Variants in RBP5 observed in about 807,000 individuals in gnomAD.
RBP5 encodes the protein retinol binding protein 5.
In RBP5, 12 loss-of-function variants were observed where a neutral mutation model predicts 17.8. The ratio of observed to expected loss-of-function variants is 0.67; its 90% confidence interval spans 0.43 to 1.09. RBP5 has a LOEUF of 1.09. Ranked by LOEUF, RBP5 falls within the 50% of genes least tolerant of loss-of-function variation. The pLI is 0.00. For synonymous variants in RBP5, 64 were observed against 68.1 expected, an observed-to-expected ratio of 0.94 and a Z score of 0.30; for missense variants, 172 against 169.4, an observed-to-expected ratio of 1.02 and a Z score of -0.09.
chr12:7,126,334 C>T (rs992147967), intron 2 of RBP5, among the ~76,000 whole-genome samples: 7 of 152,174 alleles, frequency 4.6e-5, no homozygotes, highest in South Asian at 2.1e-4. Flanking sequence ...TAAACATTTC[C>T]GAAATGCTTC....
chr12:7,126,513 GTGTGTGTGTGTGTGTGTGTGTGTGTGT>G (rs1939165740), intron 2 of RBP5, among the ~76,000 whole-genome samples: 2 of 121,444 alleles, frequency 1.6e-5, no homozygotes, highest in Non-Finnish European at 1.8e-5. Flanking sequence ...TGGTGGTGGT[GTGTGTGTGTGTGTGTGTGTGTGTGTGT>G]GTGTGTGTGT....
chr12:7,120,541 T>C (rs1350679300), downstream of RBP5: 1 of 155,784 alleles, frequency 6.4e-6, no homozygotes, highest in East Asian at 1.9e-4. Flanking sequence ...TCCTCACCTC[T>C]TGCCCTTCAC....
downstream of RBP5, among the ~76,000 whole-genome samples, chr12:7,122,693 C>T (rs990013666): frequency 2.0e-5 from 3 of 151,854 alleles, no homozygotes; most frequent in South Asian, 2.1e-4. Context: ...GGGCAATGGG[C>T]GAGTACACAC....
intron 3 of RBP5, chr12:7,118,235 T>C (rs1939030451): frequency 6.6e-6 from 1 of 152,084 alleles, no homozygotes; most frequent in African/African-American, 2.4e-5. Flanking sequence ...TAAGCTTTAG[T>C]TTCATTAAGG....
chr12:7,128,228 G>T lies in RBP5; in HGVS notation c.252+12C>A. The T allele has an allele frequency of 6.2e-7, 1 of 1,601,694 alleles. No individual in the cohort carries two copies. Among genetic ancestry groups the T allele is most frequent in the East Asian group, 2.2e-5 (1 of 44,668 alleles). On this transcript the variant is annotated intron_variant, in intron 2 of 3. Coordinates refer to ENST00000266560, the MANE Select transcript of RBP5 (RefSeq NM_031491.4). This position sits in a 1 kb window ranked among gnomAD's most constrained non-coding sequence, Gnocchi z 5.3. ...CCTCCTTCCGGCCACCGCCCAGCCA[G>T]GGGAAATGTACCTGGCATTTTCGTC...
In RBP5 at chr12:7,124,325, C is replaced by G. The variant is rs1298598501; in HGVS notation, c.355-151G>C. On this transcript the variant is annotated intron_variant, in intron 3 of 3. Transcript: ENST00000266560. This position sits in a 1 kb window ranked among gnomAD's most constrained non-coding sequence, Gnocchi z 5.3. ...GGCAATTGTATCATTATTCCACATCCTCAACTTTCCACCCCTCAGGAAGGA... is the reference window on the plus strand; with the variant it reads ...GGCAATTGTATCATTATTCCACATCGTCAACTTTCCACCCCTCAGGAAGGA... 1 of 726,288 alleles carries G rather than the reference C, an allele frequency of 1.4e-6. No homozygotes were observed. The highest frequency in any genetic ancestry group is 1.7e-5 in the African/African-American group (1 of 57,400). 45.0% of individuals were successfully genotyped at this position (726,288 alleles called of 1,614,324 possible). A position where few individuals can be genotyped will look rare whatever the true frequency, so the allele number is the denominator to read the frequency against.
chr12:7,125,363 G>A (rs1167704066), intron 2 of RBP5, among the ~76,000 whole-genome samples: 2 of 152,150 alleles, frequency 1.3e-5, no homozygotes, highest in Non-Finnish European at 2.9e-5. Context: ...CTGACCTAGA[G>A]GGACTTTTGA....
chr12:7,116,277 T>C (rs1939003543), exon 4 of RBP5: 1 of 152,222 alleles, frequency 6.6e-6, no homozygotes, highest in African/African-American at 2.4e-5. Context: ...AAACTGACCA[T>C]CCAGGTTTGG....
chr12:7,120,248 A>AC (rs1415396848), downstream of RBP5, among the ~76,000 whole-genome samples: 2 of 151,838 alleles, frequency 1.3e-5, no homozygotes, highest in Non-Finnish European at 2.9e-5. Context: ...TACGTTTTAT[A>AC]CCCCCGGTAC....
chr12:7,128,901 G>A (rs1939227593), upstream of RBP5: 2 of 779,972 alleles, frequency 2.6e-6, no homozygotes, highest in Non-Finnish European at 4.5e-6. This position sits in a 1 kb window ranked among gnomAD's most constrained non-coding sequence, Gnocchi z 5.3. Flanking sequence ...TAATGGCCGG[G>A]TTACCAGGGC....
At chr12:7,116,015 C>T (rs1939000535) in exon 4 of RBP5, 1 of 152,216 alleles carries the variant, frequency 6.6e-6, no homozygotes, top group Non-Finnish European at 1.5e-5. Context: ...GCCCCTCCTC[C>T]AACACGTGGG....
At chr12:7,127,422 G>C (rs1403825184) in intron 2 of RBP5, 1 of 440,186 alleles carries the variant, frequency 2.3e-6, no homozygotes. Context: ...GAGCCACCAC[G>C]CCCAGCCTTT....
At chr12:7,116,527 G>A (rs1339255831) in exon 4 of RBP5, 3 of 152,284 alleles carry the variant, frequency 2.0e-5, no homozygotes, top group Admixed American at 6.5e-5. Flanking sequence ...ACACAACTTT[G>A]AAACGAGCAG....
rs748540878 is a variant in RBP5 at position 7,128,243 on chromosome 12, G to T, written c.249C>A (p.Cys83Ter). ...EDLRSVDGRK[C>*]QTIVTWEEEH... ...CGCCCAGCCAGGGGAAATGTACCTG[G>T]CATTTTCGTCCGTCCACGCTCCTGA... Residue 83 changes from cysteine to a stop codon, truncating the protein, a stop_gained, in exon 2 of 4, where the codon TGC (cysteine) becomes TGA (stop). Transcript: ENST00000266560. LOFTEE classifies it high-confidence loss of function. This position sits in a 1 kb window ranked among gnomAD's most constrained non-coding sequence, Gnocchi z 5.3. The T allele has an allele frequency of 1.2e-6, 2 of 1,608,854 alleles. No individual in the cohort carries two copies. Among genetic ancestry groups the T allele is most frequent in the Non-Finnish European group, 1.7e-6 (2 of 1,176,324 alleles).
chr12:7,120,944 C>T (rs1939072606), downstream of RBP5: 1 of 151,720 alleles, frequency 6.6e-6, no homozygotes, highest in Non-Finnish European at 1.5e-5. Context: ...ACAAGAATCA[C>T]TTGAACCTGG....
At chr12:7,121,450 A>T (rs1309794127), downstream of RBP5, among the ~76,000 whole-genome samples, 1 of 152,046 alleles carries the variant, frequency 6.6e-6, no homozygotes, top group Non-Finnish European at 1.5e-5. Flanking sequence ...GCTCCTTTTC[A>T]ACATATAGGC....
At chr12:7,129,339 A>G, upstream of RBP5, 1 of 176,890 alleles carries the variant, frequency 5.7e-6, no homozygotes, top group Non-Finnish European at 1.2e-5. This position sits in a 1 kb window ranked among gnomAD's most constrained non-coding sequence, Gnocchi z 5.5. Flanking sequence ...GCCAGCTGCC[A>G]CCATGAAGAG....
chr12:7,120,322 G>T (rs1211605816), downstream of RBP5, among the ~76,000 whole-genome samples: 2 of 152,140 alleles, frequency 1.3e-5, no homozygotes, highest in Non-Finnish European at 2.9e-5. Flanking sequence ...GAGCAATGCC[G>T]TCCTGTTGGC....
chr12:7,127,738 G>A, intron 2 of RBP5: 1 of 702,258 alleles, frequency 1.4e-6, no homozygotes. Flanking sequence ...GAAGGCATGG[G>A]TGTAGATGAT....
Sources: gnomAD v4.1 joint callset for allele counts (sites outside exome capture counted in the v4.1 genomes callset) on GRCh38, gnomAD v4.1.1 for gene constraint, Gnocchi (gnomAD v3.1) non-coding constraint, MANE v1.5 for transcripts, NCBI Gene and HGNC (gene_info 2026-07-23, HGNC 2026-07-21) for gene names.